Variants in GLG1 observed in about 807,000 individuals in gnomAD.
GLG1 encodes the protein golgi glycoprotein 1, also known as Golgi apparatus protein 1.
In GLG1, 38 loss-of-function variants were observed where a neutral mutation model predicts 160.5. The observed-to-expected ratio is 0.24, with a 90% CI of 0.18 to 0.31. The LOEUF (loss-of-function observed/expected upper bound fraction) is 0.31. Ranked by LOEUF, GLG1 falls within the 10% of genes least tolerant of loss-of-function variation. The pLI, the probability that GLG1 is intolerant of heterozygous loss-of-function variation, is 1.00. For synonymous variants in GLG1, 644 were observed against 543.4 expected, an observed-to-expected ratio of 1.19 and a Z score of -2.57; for missense variants, 1,373 against 1,505.2, an observed-to-expected ratio of 0.91 and a Z score of 1.45.
rs575224717 is a variant in GLG1 at position 74,504,320 on chromosome 16, C to A, written c.559-574G>T. On this transcript the variant is annotated intron_variant, in intron 3 of 25. Transcript: ENST00000422840. The stretch of plus-strand genomic sequence containing the variant: ...ATTTATCTTTTGAGGCAGAGCCTTG[C>A]TCTGTCGCCCAGGCTGGAGTGGAAT... Among the ~76,000 whole-genome samples the A allele has an allele frequency of 5.3e-5, 8 of 152,270 alleles. No homozygotes were observed. The South Asian group carries it at 1.2e-3, about 24-fold the overall frequency.
rs201471417 is a variant in GLG1, at chr16:74,492,935, A to T, written c.1234+22T>A. 207 of 1,055,674 alleles carry T rather than the reference A, an allele frequency of 2.0e-4. No homozygotes were observed. The African/African-American group carries it at 2.3e-3, about 12-fold the overall frequency. 65.4% of individuals were successfully genotyped at this position (1,055,674 alleles called of 1,614,324 possible). ...CCAAAAAGGAACAGAAATGATAATT[A>T]AAAAAAAAATATGAATGCTACCTCT... On this transcript the variant is annotated intron_variant, in intron 7 of 25. Coordinates refer to ENST00000422840, the MANE Select transcript of GLG1 (RefSeq NM_001145667.2).
chr16:74,485,753 A>ATG (rs745897656), intron 9 of GLG1, 43 bp downstream of exon 9: 1 of 1,572,464 alleles, frequency 6.4e-7, no homozygotes, highest in Non-Finnish European at 8.7e-7. Flanking sequence ...GTGCTGCCAA[A>ATG]TGAAATACAA....
chr16:74,594,472 A>G (rs997924641), intron 1 of GLG1, among the ~76,000 whole-genome samples: 3 of 152,216 alleles, frequency 2.0e-5, no homozygotes, highest in Admixed American at 6.5e-5. Flanking sequence ...CATTGTTTTT[A>G]GATTCCAGTC....
chr16:74,531,048 A>C (rs1391351853), intron 2 of GLG1, among the ~76,000 whole-genome samples: 1 of 152,222 alleles, frequency 6.6e-6, no homozygotes, highest in Non-Finnish European at 1.5e-5. Context: ...CTTTCAATGT[A>C]ATCAGATATA....
At chr16:74,598,439 T>G (rs577207306) in intron 1 of GLG1, among the ~76,000 whole-genome samples, 1 of 150,924 alleles carries the variant, frequency 6.6e-6, no homozygotes, top group East Asian at 2.0e-4. Context: ...GAGAATCACT[T>G]GAACCCAGGA....
chr16:74,506,548 C>T (rs1292348881), intron 3 of GLG1, among the ~76,000 whole-genome samples: 4 of 118,714 alleles, frequency 3.4e-5, no homozygotes, highest in Non-Finnish European at 6.5e-5. Flanking sequence ...CGCCACTGCA[C>T]TCCAGCCTGG....
chr16:74,530,683 G>A (rs1373214189), intron 2 of GLG1, among the ~76,000 whole-genome samples: 1 of 151,516 alleles, frequency 6.6e-6, no homozygotes, highest in Non-Finnish European at 1.5e-5. Flanking sequence ...TGTTACCCAG[G>A]CTGCAGTGCA....
At chr16:74,572,813 T>C (rs1207430221) in intron 1 of GLG1, among the ~76,000 whole-genome samples, 2 of 152,180 alleles carry the variant, frequency 1.3e-5, no homozygotes, top group Non-Finnish European at 2.9e-5. Flanking sequence ...GTGGTGCCTG[T>C]GGGAAGCCCA....
intron 22 of GLG1, chr16:74,461,491 GAC>G (rs1161523286): frequency 1.2e-5 from 1 of 85,286 alleles, no homozygotes; most frequent in African/African-American, 4.4e-5. Context: ...TTTTTTTTGA[GAC>G]AGAGTCTTCC....
chr16:74,503,977 T>C (rs1017998918), intron 3 of GLG1, among the ~76,000 whole-genome samples: 1 of 152,226 alleles, frequency 6.6e-6, no homozygotes, highest in Non-Finnish European at 1.5e-5. Context: ...TAGAAAAACC[T>C]GATTAATGTG....
chr16:74,478,593 C>T (rs189459805), intron 11 of GLG1, among the ~76,000 whole-genome samples: 1 of 152,232 alleles, frequency 6.6e-6, no homozygotes, highest in African/African-American at 2.4e-5. Flanking sequence ...TGTAAATGTA[C>T]TAAATGTCAC....
intron 1 of GLG1, among the ~76,000 whole-genome samples, chr16:74,596,589 A>AT (rs1336649780): frequency 2.6e-5 from 4 of 152,182 alleles, no homozygotes; most frequent in Admixed American, 6.6e-5. Flanking sequence ...TCAAATGTGT[A>AT]TTTTATACTT....
At chr16:74,569,933 A>G (rs1041795370) in intron 1 of GLG1, among the ~76,000 whole-genome samples, 3 of 151,364 alleles carry the variant, frequency 2.0e-5, no homozygotes, top group South Asian at 2.1e-4. Context: ...CTGTAATTCC[A>G]GCATTTTGGG....
chr16:74,569,098 G>A (rs2018745205), intron 1 of GLG1, among the ~76,000 whole-genome samples: 1 of 152,208 alleles, frequency 6.6e-6, no homozygotes, highest in Non-Finnish European at 1.5e-5. Context: ...TAATGAGATA[G>A]TCCTCACTTA....
Position 74,580,486 on chromosome 16 carries a change from G to T in GLG1, c.438+26171C>A, listed in dbSNP as rs550349904. ...TACACTCCAGCATAGGAAACAGAGA[G>T]AGACCCTATTTCAAAAAGAAAAATT... On this transcript the variant is annotated intron_variant, in intron 1 of 25. Transcript: ENST00000422840. Among the ~76,000 whole-genome samples the T allele has an allele frequency of 3.9e-5, 6 of 152,270 alleles. No homozygotes were observed. In the South Asian group the frequency reaches 1.0e-3, roughly 26 times the overall value.
In GLG1 at chr16:74,593,039, T is replaced by C. The variant is rs531421217; in HGVS notation, c.438+13618A>G. Among the ~76,000 whole-genome samples the C allele has an allele frequency of 3.3e-5, 5 of 152,288 alleles. No individual in the cohort carries two copies. In the East Asian group the frequency reaches 7.7e-4, roughly 24 times the overall value. On this transcript the variant is annotated intron_variant, in intron 1 of 25. Coordinates refer to ENST00000422840, the MANE Select transcript of GLG1 (RefSeq NM_001145667.2). ...TCCTTGTGCAAGCCCGCCCTCCCTC[T>C]TGCATTCTCTTGCCCTTCCACATTC...
intron 2 of GLG1, among the ~76,000 whole-genome samples, chr16:74,527,459 A>C (rs1047933124): frequency 2.0e-5 from 3 of 152,042 alleles, no homozygotes; most frequent in Non-Finnish European, 4.4e-5. Context: ...CATGTTGGCC[A>C]GGCTGGTCTC....
In GLG1 at chr16:74,474,549, T is replaced by G. The variant is rs1247548286; in HGVS notation, c.2049A>C (p.Ser683=). 1 of 1,467,628 alleles carries G rather than the reference T, an allele frequency of 6.8e-7. No homozygotes were observed. The highest frequency in any genetic ancestry group is 1.1e-5 in the South Asian group (1 of 88,026). 90.9% of individuals were successfully genotyped at this position (1,467,628 alleles called of 1,614,324 possible). A position where few individuals can be genotyped will look rare whatever the true frequency, so the allele number is the denominator to read the frequency against. Residue 683 remains serine, a synonymous_variant, in exon 13 of 26, where the codon TCA becomes TCC. Transcript: ENST00000422840. The part of the protein sequence containing the change: ...DIVGNLTELE[S]EDIQIEALLM... ...GAGTAAGCTGCATACCACTTACCTC[T>G]GATTCTAACTCAGTGAGGTTGCCAA...
At position 74,490,877 on chromosome 16, in the gene GLG1, T is replaced by C. The variant is rs867175626; in HGVS notation, c.1449+124A>G. On this transcript the variant is annotated intron_variant, in intron 8 of 25. Transcript: ENST00000422840. ...GAAGCAACGTTCAGTCTCTGATCAT[T>C]AGTACCTAATGTTCAATGTGATACC... 47 of 676,206 alleles carry C rather than the reference T, an allele frequency of 7.0e-5. No homozygotes were observed. In the Middle Eastern group the frequency reaches 2.9e-3, roughly 42 times the overall value. 41.9% of individuals were successfully genotyped at this position (676,206 alleles called of 1,614,324 possible). A position where few individuals can be genotyped will look rare whatever the true frequency, so the allele number is the denominator to read the frequency against.
Sources: allele counts gnomAD v4.1 joint callset (sites outside exome capture counted in the v4.1 genomes callset), GRCh38; gene constraint gnomAD v4.1.1; transcripts MANE v1.5; gene names NCBI Gene and HGNC (gene_info 2026-07-23, HGNC 2026-07-21).